Variants in HMGCLL1 observed in about 807,000 individuals in gnomAD.
HMGCLL1 encodes the protein 3-hydroxymethyl-3-methylglutaryl-CoA lyase, cytoplasmic.
A neutral mutation model predicts 39.1 loss-of-function variants in HMGCLL1; 36 were observed. That is an observed-to-expected ratio of 0.92 (90% confidence interval 0.71 to 1.22). The LOEUF is 1.22. Among genes scored for constraint, HMGCLL1 ranks in the 50% most tolerant of loss-of-function variants. The pLI is 0.00. For synonymous variants in HMGCLL1, 149 were observed against 144.0 expected, an observed-to-expected ratio of 1.03 and a Z score of -0.25; for missense variants, 451 against 416.5, an observed-to-expected ratio of 1.08 and a Z score of -0.72.
the HMGCLL1 span, among the ~76,000 whole-genome samples, chr6:55,645,335 C>A: frequency 6.6e-6 from 1 of 151,608 alleles, no homozygotes; most frequent in East Asian, 1.9e-4. Context: ...AAGAGAATAC[C>A]ACCTGCAATT....
chr6:55,576,731 G>A (rs1301012022), intron 1 of HMGCLL1, among the ~76,000 whole-genome samples: 1 of 152,096 alleles, frequency 6.6e-6, no homozygotes, highest in East Asian at 1.9e-4. Context: ...GTGATACTTT[G>A]GGTGTGAGGG....
chr6:55,543,351 TATG>T lies in HMGCLL1; in HGVS notation c.109-1214_109-1212del, dbSNP rs200895999. 4.5e-3 allele frequency among the ~76,000 whole-genome samples: 105 copies of T among 23,180 alleles called. 9 individuals carry two copies. Among genetic ancestry groups the T allele is most frequent in the Middle Eastern group, 0.026 (1 of 38 alleles). 15.2% of individuals were successfully genotyped at this position (23,180 alleles called of 152,430 possible). Reference sequence around the variant, plus strand: ...ATTATATATCATATATGATATATAATATGATATATTATATATTATATATATTAT... The same window carrying T: ...ATTATATATCATATATGATATATAATATATATTATATATTATATATATTAT... On this transcript the variant is annotated intron_variant, in intron 1 of 8. Transcript: ENST00000274901.
At chr6:55,584,928 A>T in the HMGCLL1 span, among the ~76,000 whole-genome samples, 12 of 151,818 alleles carry the variant, frequency 7.9e-5, no homozygotes, top group Admixed American at 7.9e-4. Flanking sequence ...AATGAGAACA[A>T]CCTGGCTAAC....
chr6:55,506,372 T>C (rs1561923973), intron 5 of HMGCLL1, among the ~76,000 whole-genome samples: 1 of 144,306 alleles, frequency 6.9e-6, no homozygotes, highest in Non-Finnish European at 1.5e-5. Flanking sequence ...AATTTTTAAT[T>C]AAAAGGCCTC....
At chr6:55,616,858 T>A in the HMGCLL1 span, among the ~76,000 whole-genome samples, 1 of 151,740 alleles carries the variant, frequency 6.6e-6, no homozygotes, top group Non-Finnish European at 1.5e-5. Flanking sequence ...TTTTGCTATA[T>A]AACAAAAAAA....
chr6:55,647,624 T>A, the HMGCLL1 span, among the ~76,000 whole-genome samples: 1 of 151,870 alleles, frequency 6.6e-6, no homozygotes, highest in South Asian at 2.1e-4. Flanking sequence ...TATTTTAAAC[T>A]GATAACACTG....
the HMGCLL1 span, among the ~76,000 whole-genome samples, chr6:55,673,857 G>A: frequency 6.6e-6 from 1 of 151,738 alleles, no homozygotes; most frequent in Non-Finnish European, 1.5e-5. Flanking sequence ...TAATGTTATG[G>A]TCAGTTTTGT....
intron 3 of HMGCLL1, among the ~76,000 whole-genome samples, chr6:55,521,805 A>C (rs925341147): frequency 6.6e-6 from 1 of 152,050 alleles, no homozygotes; most frequent in Non-Finnish European, 1.5e-5. Flanking sequence ...GTTCAAGTGA[A>C]AGGAAGACTC....
At chr6:55,437,582 T>C (rs1302843713) in intron 8 of HMGCLL1, among the ~76,000 whole-genome samples, 2 of 151,966 alleles carry the variant, frequency 1.3e-5, no homozygotes, top group Non-Finnish European at 2.9e-5. Flanking sequence ...CCATGGCGTA[T>C]ATGGATAAAG....
At chr6:55,466,600 T>C (rs1581812969) in intron 7 of HMGCLL1, among the ~76,000 whole-genome samples, 1 of 152,086 alleles carries the variant, frequency 6.6e-6, no homozygotes, top group Non-Finnish European at 1.5e-5. Flanking sequence ...CAGCTGTTTC[T>C]TCCCTCTCTC....
chr6:55,464,282 C>T (rs1450030047), intron 7 of HMGCLL1, among the ~76,000 whole-genome samples: 1 of 151,996 alleles, frequency 6.6e-6, no homozygotes, highest in Non-Finnish European at 1.5e-5. Flanking sequence ...ATATTAGACT[C>T]CTAGTTGCAA....
At chr6:55,616,166 A>G in the HMGCLL1 span, among the ~76,000 whole-genome samples, 1 of 152,078 alleles carries the variant, frequency 6.6e-6, no homozygotes, top group Non-Finnish European at 1.5e-5. Flanking sequence ...AGACTTGGGA[A>G]CAATTTCCCC....
chr6:55,665,282 T>C, the HMGCLL1 span, among the ~76,000 whole-genome samples: 1 of 151,716 alleles, frequency 6.6e-6, no homozygotes, highest in Non-Finnish European at 1.5e-5. Flanking sequence ...TATTTTAAAG[T>C]AGATTCTGAA....
chr6:55,475,505 A>G (rs1302119624), intron 7 of HMGCLL1, among the ~76,000 whole-genome samples: 2 of 151,630 alleles, frequency 1.3e-5, no homozygotes, highest in East Asian at 3.9e-4. Flanking sequence ...CTTCAACCTC[A>G]GTTTTCTGAT....
the HMGCLL1 span, among the ~76,000 whole-genome samples, chr6:55,590,939 TGA>T: frequency 3.9e-5 from 6 of 151,948 alleles, no homozygotes; most frequent in African/African-American, 1.4e-4. Context: ...ATGAAGAAAC[TGA>T]GAGTCAGAGA....
At chr6:55,490,238 T>A (rs1055273947) in intron 7 of HMGCLL1, among the ~76,000 whole-genome samples, 7 of 152,152 alleles carry the variant, frequency 4.6e-5, no homozygotes, top group African/African-American at 1.4e-4. Flanking sequence ...CTTGTGAGAA[T>A]GGAGATCACA....
chr6:55,633,975 T>A, the HMGCLL1 span, among the ~76,000 whole-genome samples: 11 of 152,138 alleles, frequency 7.2e-5, no homozygotes, highest in African/African-American at 2.7e-4. Flanking sequence ...AAATATTTCA[T>A]TCAAATAAAT....
At chr6:55,490,323 C>T (rs1766245453) in intron 7 of HMGCLL1, among the ~76,000 whole-genome samples, 1 of 152,020 alleles carries the variant, frequency 6.6e-6, no homozygotes, top group African/African-American at 2.4e-5. Context: ...CTGATGTAAG[C>T]ATGGAAACAA....
At chr6:55,659,422 G>GAATTT in the HMGCLL1 span, among the ~76,000 whole-genome samples, 1 of 151,816 alleles carries the variant, frequency 6.6e-6, no homozygotes, top group African/African-American at 2.4e-5. Context: ...CTCTCTGAAG[G>GAATTT]GCAAATTGCC....
Sources: allele counts gnomAD v4.1 joint callset (sites outside exome capture counted in the v4.1 genomes callset), GRCh38; gene constraint gnomAD v4.1.1; transcripts MANE v1.5; gene names NCBI Gene and HGNC (gene_info 2026-07-23, HGNC 2026-07-21).